DDX10: variants seen among roughly 807,000 people sequenced by gnomAD.
DDX10 encodes the protein probable ATP-dependent RNA helicase DDX10.
Under a neutral mutation model 104.3 loss-of-function variants are expected in DDX10, and 74 were observed. The ratio of observed to expected loss-of-function variants is 0.71; its 90% CI spans 0.59 to 0.86. The LOEUF (loss-of-function observed/expected upper bound fraction) is 0.86, where lower values mean the gene tolerates loss of function less well. DDX10 is among the 40% of genes least tolerant of loss of function. The pLI is 0.00. For missense variants in DDX10, 952 were observed against 1,040.0 expected (o/e 0.92, Z 1.16); for synonymous variants, 351 against 353.4 (o/e 0.99, Z 0.08).
At position 108,758,667 on chromosome 11, in the gene DDX10, C is replaced by T. The variant is rs2094347289; in HGVS notation, c.1965+35205C>T. The stretch of plus-strand genomic sequence containing the variant: ...CCTCTTTCTGTATCTTCAAAGCCAA[C>T]AACAGTGGGTCAAGTGCCAAATTCT... On this transcript the variant is annotated intron_variant, in intron 13 of 17. Coordinates refer to ENST00000322536, the MANE Select transcript of DDX10 (RefSeq NM_004398.4). 1.3e-5 allele frequency among the ~76,000 whole-genome samples: 2 copies of T among 152,014 alleles called. 1 individual carries two copies. The highest frequency in any genetic ancestry group is 4.2e-4 in the South Asian group (2 of 4,818).
At chr11:108,864,673 T>G (rs1365749136) in intron 16 of DDX10, among the ~76,000 whole-genome samples, 2 of 152,080 alleles carry the variant, frequency 1.3e-5, no homozygotes, top group Non-Finnish European at 2.9e-5. Context: ...TTGCCCAGGC[T>G]GGTCTCGAAC....
At chr11:108,725,135 G>A (rs564724967) in intron 13 of DDX10, among the ~76,000 whole-genome samples, 5 of 152,088 alleles carry the variant, frequency 3.3e-5, no homozygotes, top group African/African-American at 7.2e-5. Context: ...TTAGCTTAAC[G>A]TTATTGCATG....
intron 13 of DDX10, among the ~76,000 whole-genome samples, chr11:108,804,498 C>CAAAAAAA (rs3063225): frequency 2.1e-5 from 2 of 93,502 alleles, no homozygotes; most frequent in Admixed American, 1.3e-4. Context: ...GACCCTGTCT[C>CAAAAAAA]AAAAAAAAAA....
At position 108,799,684 on chromosome 11, in the gene DDX10, C is replaced by T. The variant is rs115287059; in HGVS notation, c.1966-38762C>T. On this transcript the variant is annotated intron_variant, in intron 13 of 17. Transcript: ENST00000322536. ...AGTTTGTTTCCTTCTTTTGACCTTG[C>T]GCAGATTTCATCCTCCTCTGGAATG... Among the ~76,000 whole-genome samples, 408 of 152,264 alleles carry T rather than the reference C, an allele frequency of 2.7e-3. 4 individuals are homozygous for T. Among genetic ancestry groups the T allele is most frequent in the African/African-American group, 9.5e-3 (394 of 41,552 alleles).
At chr11:108,903,937 T>G (rs1863554013) in intron 16 of DDX10, among the ~76,000 whole-genome samples, 1 of 152,206 alleles carries the variant, frequency 6.6e-6, no homozygotes, top group Non-Finnish European at 1.5e-5. Context: ...GGTATATACC[T>G]AGGATTGTAG....
intron 16 of DDX10, among the ~76,000 whole-genome samples, chr11:108,884,254 G>T (rs1863264265): frequency 6.6e-6 from 1 of 151,928 alleles, no homozygotes; most frequent in African/African-American, 2.4e-5. Flanking sequence ...CTCCATCATG[G>T]TATATGCCAT....
At chr11:108,770,785 A>G (rs1181497342) in intron 13 of DDX10, among the ~76,000 whole-genome samples, 2 of 151,718 alleles carry the variant, frequency 1.3e-5, no homozygotes, top group Non-Finnish European at 2.9e-5. Flanking sequence ...ATGGACACTT[A>G]GGTTGCTTCC....
intron 12 of DDX10, among the ~76,000 whole-genome samples, chr11:108,720,499 A>G (rs1471535119): frequency 1.3e-5 from 2 of 152,182 alleles, no homozygotes; most frequent in South Asian, 2.1e-4. Flanking sequence ...ACAGGTACTC[A>G]TAGTTACTAT....
intron 13 of DDX10, among the ~76,000 whole-genome samples, chr11:108,762,232 T>C (rs2094351649): frequency 6.6e-6 from 1 of 152,156 alleles, no homozygotes; most frequent in Non-Finnish European, 1.5e-5. Context: ...CATCTACTAG[T>C]GAGGCAGAAA....
chr11:108,910,479 A>G (rs1428510897), intron 16 of DDX10, among the ~76,000 whole-genome samples: 2 of 152,212 alleles, frequency 1.3e-5, no homozygotes, highest in Non-Finnish European at 2.9e-5. Context: ...TGCCATTATC[A>G]AAACCAAAAC....
At chr11:108,680,471 T>C (rs1327855117) in intron 6 of DDX10, among the ~76,000 whole-genome samples, 2 of 152,194 alleles carry the variant, frequency 1.3e-5, no homozygotes, top group African/African-American at 4.8e-5. Flanking sequence ...CACTTTGGCC[T>C]CCCAAAGTGT....
intron 12 of DDX10, 122 bp downstream of exon 12, chr11:108,720,007 G>A (rs1350900790): frequency 4.5e-6 from 3 of 673,060 alleles, no homozygotes; most frequent in Admixed American, 2.6e-5. Context: ...TGCTCCAGCA[G>A]TCCACCCACC....
intron 13 of DDX10, among the ~76,000 whole-genome samples, chr11:108,766,186 G>A (rs540643337): frequency 6.6e-6 from 1 of 152,000 alleles, no homozygotes; most frequent in East Asian, 1.9e-4. Flanking sequence ...TAATTTTTTT[G>A]TTTGCTTTTA....
chr11:108,723,153 C>G lies in DDX10; in HGVS notation c.1656C>G (p.Phe552Leu). The G allele has an allele frequency of 2.5e-6, 4 of 1,613,762 alleles. No individual in the cohort carries two copies. Among genetic ancestry groups the G allele is most frequent in the Non-Finnish European group, 1.7e-6 (2 of 1,179,860 alleles). ...NDEVEEFRAY[F>L]NEKMSILQKG... ...AAGTGGAAGAATTTAGAGCCTACTT[C>G]AATGAGAAAATGTCCATCCTTCAAA... The change falls in exon 13 of 18, where the codon TTC (phenylalanine) becomes TTG (leucine). Residue 552 changes from phenylalanine to leucine, a missense_variant. Around this residue, in one of 3 missense-constraint regions of DDX10, gnomAD observed 533 missense variants for 534.1 expected, o/e 1.00. Transcript: ENST00000322536.
At chr11:108,760,622 TATA>T (rs2094349626) in intron 13 of DDX10, among the ~76,000 whole-genome samples, 1 of 151,786 alleles carries the variant, frequency 6.6e-6, no homozygotes, top group South Asian at 2.1e-4. Context: ...TTTGGAAAAA[TATA>T]AGATCATACT....
intron 10 of DDX10, among the ~76,000 whole-genome samples, chr11:108,715,671 T>C (rs2094290418): frequency 6.6e-6 from 1 of 152,250 alleles, no homozygotes; most frequent in Non-Finnish European, 1.5e-5. Flanking sequence ...GGAGAAAGTG[T>C]CTGACATGTC....
chr11:108,901,014 T>C (rs756860591), intron 16 of DDX10, among the ~76,000 whole-genome samples: 3 of 152,174 alleles, frequency 2.0e-5, no homozygotes, highest in African/African-American at 4.8e-5. Context: ...ATCTCCTTCA[T>C]GAAGTCTTTC....
At chr11:108,911,251 A>C (rs11212811) in intron 16 of DDX10, among the ~76,000 whole-genome samples, 79,033 of 152,062 alleles carry the variant, frequency 0.52, 21,783 homozygotes, top group Non-Finnish European at 0.62. Context: ...TTGAATGAAG[A>C]CATCTTTGTC....
At chr11:108,841,221 T>A (rs1189884210) in intron 14 of DDX10, 94 bp from the exon 15 acceptor site, 1 of 1,006,866 alleles carries the variant, frequency 9.9e-7, no homozygotes, top group Non-Finnish European at 1.5e-6. Flanking sequence ...AGAAAATGGG[T>A]ATCTGCACCT....
Sources: gnomAD v4.1 joint callset for allele counts (sites outside exome capture counted in the v4.1 genomes callset) on GRCh38, gnomAD v4.1.1 for gene constraint, gnomAD v4.1.1 regional missense constraint, MANE v1.5 for transcripts, NCBI Gene and HGNC (gene_info 2026-07-23, HGNC 2026-07-21) for gene names.